Variants in LTBP1 observed in about 807,000 individuals in gnomAD.
The protein encoded by LTBP1 is latent transforming growth factor beta binding protein 1, also known as latent-transforming growth factor beta-binding protein 1.
LTBP1 carries 129 observed loss-of-function variants against 207.6 expected under a neutral mutation model. That is an observed-to-expected ratio of 0.62 (90% CI 0.54 to 0.72). The LOEUF (loss-of-function observed/expected upper bound fraction) is 0.72. LTBP1 is among the 30% of genes least tolerant of loss of function. The pLI, the probability that LTBP1 is intolerant of heterozygous loss-of-function variation, is 0.00. For synonymous variants in LTBP1, 963 were observed against 833.7 expected, an observed-to-expected ratio of 1.16 and a Z score of -2.67; for missense variants, 2,281 against 2,217.2, an observed-to-expected ratio of 1.03 and a Z score of -0.58.
intron 10 of LTBP1, among the ~76,000 whole-genome samples, chr2:33,251,664 CAAAA>C (rs537403994): frequency 1.5e-5 from 1 of 65,844 alleles, no homozygotes; most frequent in Non-Finnish European, 2.8e-5. Context: ...GACTCAGTCT[CAAAA>C]AAAAAAAAAA....
chr2:33,049,944 C>T (rs1246671469), intron 3 of LTBP1, among the ~76,000 whole-genome samples: 2 of 151,616 alleles, frequency 1.3e-5, no homozygotes, highest in African/African-American at 4.9e-5. Context: ...TGGGCTCAAG[C>T]GATCCTCCCA....
Position 33,393,517 on chromosome 2 carries a change from C to A in LTBP1, c.4835-3616C>A, listed in dbSNP as rs555401496. On this transcript the variant is annotated intron_variant, in intron 32 of 33. Coordinates refer to ENST00000404816, the MANE Select transcript of LTBP1 (RefSeq NM_206943.4). ...CCAAGTGTTCTCATTGTTCAATTCC[C>A]ACCTATGAGTGAGAACATGCGGTGT... Among the ~76,000 whole-genome samples, 192 of 150,422 alleles carry A rather than the reference C, an allele frequency of 1.3e-3. 1 individual carries two copies. The highest frequency in any genetic ancestry group is 4.4e-3 in the African/African-American group (181 of 40,868).
At chr2:33,240,452 C>T (rs1417121245) in intron 9 of LTBP1, among the ~76,000 whole-genome samples, 2 of 152,102 alleles carry the variant, frequency 1.3e-5, no homozygotes, top group Non-Finnish European at 2.9e-5. Context: ...TCTCTGACAT[C>T]CTTTACTTTA....
intron 3 of LTBP1, among the ~76,000 whole-genome samples, chr2:33,051,594 C>T (rs995364460): frequency 6.6e-6 from 1 of 152,106 alleles, no homozygotes; most frequent in Non-Finnish European, 1.5e-5. Context: ...ATTTGCATGG[C>T]CCCGGAGTGC....
At chr2:33,334,134 G>A (rs1573891021) in intron 24 of LTBP1, among the ~76,000 whole-genome samples, 3 of 152,332 alleles carry the variant, frequency 2.0e-5, no homozygotes, top group Admixed American at 2.0e-4. Flanking sequence ...CTTGAATTCA[G>A]GAGCCACTCA....
intron 5 of LTBP1, among the ~76,000 whole-genome samples, chr2:33,143,869 G>A (rs1465222239): frequency 1.3e-5 from 2 of 148,402 alleles, no homozygotes; most frequent in African/African-American, 5.0e-5. Flanking sequence ...CAGGTATATT[G>A]ACTGGCTCCA....
chr2:33,073,453 C>T (rs549283862), intron 3 of LTBP1, among the ~76,000 whole-genome samples: 4 of 152,120 alleles, frequency 2.6e-5, no homozygotes, highest in African/African-American at 4.8e-5. Flanking sequence ...GTTTTCATCT[C>T]GAGCCAAACA....
At chr2:33,244,974 G>A (rs1407711040) in intron 10 of LTBP1, among the ~76,000 whole-genome samples, 1 of 152,116 alleles carries the variant, frequency 6.6e-6, no homozygotes. Context: ...TGCCTCCCGG[G>A]TTCCAATGAT....
intron 32 of LTBP1, among the ~76,000 whole-genome samples, chr2:33,396,658 G>C (rs2095360934): frequency 6.6e-6 from 1 of 152,176 alleles, no homozygotes; most frequent in Non-Finnish European, 1.5e-5. Flanking sequence ...ACATGGCAGA[G>C]CCAGCCTGCT....
At chr2:33,277,800 T>C (rs1350953411) in intron 18 of LTBP1, among the ~76,000 whole-genome samples, 1 of 106,304 alleles carries the variant, frequency 9.4e-6, no homozygotes, top group African/African-American at 4.2e-5. Context: ...TTTCTTTCTC[T>C]CTCTCTTTCT....
At chr2:33,352,447 G>A (rs1203687377) in intron 26 of LTBP1, among the ~76,000 whole-genome samples, 1 of 152,026 alleles carries the variant, frequency 6.6e-6, no homozygotes, top group Admixed American at 6.6e-5. Context: ...TTTATTAATT[G>A]CTAGACATCG....
chr2:33,093,379 G>T lies in LTBP1; in HGVS notation c.864-17203G>T, dbSNP rs535245146. 1.6e-4 allele frequency among the ~76,000 whole-genome samples: 25 copies of T among 151,930 alleles called. 1 individual carries two copies. In the South Asian group the frequency reaches 4.8e-3, roughly 29 times the overall value. ...AGCCTGTTGTTCACGGATTCTAATG[G>T]GATTTTATTTACCGCCTGGTGGAAA... On this transcript the variant is annotated intron_variant, in intron 3 of 33. Transcript: ENST00000404816.
intron 7 of LTBP1, among the ~76,000 whole-genome samples, chr2:33,204,061 T>TA (rs2089618550): frequency 6.6e-6 from 1 of 152,198 alleles, no homozygotes; most frequent in African/African-American, 2.4e-5. Flanking sequence ...TCTGGTTTAC[T>TA]AAAAAAATCA....
rs188794331 is a variant in LTBP1, at chr2:32,979,761, T to C, written c.565+30816T>C. On this transcript the variant is annotated intron_variant, in intron 2 of 33. Transcript: ENST00000404816. ...ATATTCTGTCTGGATGATGTGTCTG[T>C]TGCTGAAAGTGTGCAGTGTTAAAGT... Among the ~76,000 whole-genome samples the C allele has an allele frequency of 1.4e-3, 215 of 152,282 alleles. 1 individual carries two copies. Among genetic ancestry groups the C allele is most frequent in the Admixed American group, 4.6e-3 (70 of 15,298 alleles).
intron 31 of LTBP1, among the ~76,000 whole-genome samples, chr2:33,385,404 A>T (rs574347364): frequency 5.9e-4 from 90 of 152,310 alleles, no homozygotes; most frequent in African/African-American, 2.1e-3. Flanking sequence ...TACTGTCTTT[A>T]AAAAAAACTT....
chr2:32,959,804 A>G (rs533052696), intron 2 of LTBP1, among the ~76,000 whole-genome samples: 426 of 151,202 alleles, frequency 2.8e-3, no homozygotes, highest in Non-Finnish European at 4.2e-3. Context: ...TATTTTTAGT[A>G]GAGATGGGGT....
Position 33,263,377 on chromosome 2 carries a change from C to G in LTBP1, c.2602C>G (p.Pro868Ala). The change falls in exon 15 of 34, where the codon CCT (proline) becomes GCT (alanine). Residue 868 changes from proline (P) to alanine (A), a missense_variant. This residue lies in a region of LTBP1 where 1,671 missense variants were observed against 1,634.8 expected (regional missense o/e 1.02). Transcript: ENST00000404816. ...GTCTAGTGCCAGCCAAGTGATTGCT[C>G]CTACTCAAGTGACAGGTTGGTGCAG... ...STSSASQVIAPTQVTEINECT... is the reference protein window; with the variant it reads ...STSSASQVIAATQVTEINECT... The G allele has an allele frequency of 6.2e-6, 10 of 1,613,416 alleles. No individual in the cohort carries two copies. The highest frequency in any genetic ancestry group is 1.6e-4 in the Middle Eastern group (1 of 6,062).
intron 2 of LTBP1, among the ~76,000 whole-genome samples, chr2:32,995,145 T>C (rs1685056513): frequency 6.6e-6 from 1 of 151,836 alleles, no homozygotes; most frequent in Non-Finnish European, 1.5e-5. Context: ...GATCACACCA[T>C]TGCACTCCAG....
chr2:33,123,377 C>T (rs1245584811), intron 4 of LTBP1, among the ~76,000 whole-genome samples: 3 of 152,082 alleles, frequency 2.0e-5, no homozygotes, highest in Non-Finnish European at 4.4e-5. Context: ...TATCATGCCT[C>T]CTGTTCATTC....
Sources: allele counts gnomAD v4.1 joint callset (sites outside exome capture counted in the v4.1 genomes callset), GRCh38; gene constraint gnomAD v4.1.1; regional missense constraint gnomAD v4.1.1; transcripts MANE v1.5; gene names NCBI Gene and HGNC (gene_info 2026-07-23, HGNC 2026-07-21).